The following PTPRT variants were observed in gnomAD, a reference collection of about 807,000 sequenced individuals.
PTPRT encodes the protein protein tyrosine phosphatase receptor type T.
A neutral mutation model predicts 176.8 loss-of-function variants in PTPRT; 56 were observed. The ratio of observed to expected loss-of-function variants is 0.32; its 90% CI spans 0.26 to 0.40. The LOEUF is 0.40. Among genes scored for constraint, PTPRT ranks in the 10% least tolerant of loss-of-function variants. The pLI, the probability that PTPRT is intolerant of heterozygous loss-of-function variation, is 1.00. For missense variants in PTPRT, 1,540 were observed against 1,908.2 expected (o/e 0.81, Z 3.60); for synonymous variants, 783 against 739.0 (o/e 1.06, Z -0.96).
chr20:42,295,685 T>G (rs949948077), intron 12 of PTPRT, among the ~76,000 whole-genome samples: 2 of 151,996 alleles, frequency 1.3e-5, no homozygotes, highest in Admixed American at 1.3e-4. Context: ...AAGAGTAGTA[T>G]TAGGTCATTT....
intron 30 of PTPRT, 43 bp downstream of exon 30, chr20:42,081,839 T>A: frequency 6.2e-7 from 1 of 1,606,686 alleles, no homozygotes; most frequent in Non-Finnish European, 8.5e-7. Flanking sequence ...TCAAGGGAAC[T>A]AGTCAGCCCT....
At chr20:42,825,526 A>G (rs1052403920) in intron 2 of PTPRT, among the ~76,000 whole-genome samples, 1 of 152,024 alleles carries the variant, frequency 6.6e-6, no homozygotes, top group African/African-American at 2.4e-5. Context: ...ATATATATAC[A>G]TTTAGCAAAC....
At chr20:43,021,318 T>C (rs1053935631) in intron 1 of PTPRT, among the ~76,000 whole-genome samples, 3 of 152,138 alleles carry the variant, frequency 2.0e-5, no homozygotes, top group African/African-American at 4.8e-5. Context: ...CTCAATTTGT[T>C]GAGGAACTGC....
At chr20:42,440,120 C>T (rs551586948) in intron 9 of PTPRT, among the ~76,000 whole-genome samples, 46 of 152,152 alleles carry the variant, frequency 3.0e-4, no homozygotes, top group South Asian at 1.2e-3. Context: ...TTGGCCAGGA[C>T]GGTCTCAATC....
At chr20:42,957,238 G>C (rs1001664539) in intron 1 of PTPRT, among the ~76,000 whole-genome samples, 1 of 152,138 alleles carries the variant, frequency 6.6e-6, no homozygotes, top group African/African-American at 2.4e-5. Flanking sequence ...GCCAAAGGTC[G>C]AGTGGCAGTA....
chr20:43,093,860 G>A (rs1179851312), intron 1 of PTPRT, among the ~76,000 whole-genome samples: 1 of 152,010 alleles, frequency 6.6e-6, no homozygotes, highest in Non-Finnish European at 1.5e-5. Flanking sequence ...CTGGGCCCCT[G>A]TGCTGACCAT....
At chr20:42,453,549 T>C (rs989166649) in intron 8 of PTPRT, among the ~76,000 whole-genome samples, 1 of 152,088 alleles carries the variant, frequency 6.6e-6, no homozygotes, top group Non-Finnish European at 1.5e-5. Flanking sequence ...ATTACTATAC[T>C]ATTGAAGCAC....
At chr20:42,944,233 G>A (rs1268400706) in intron 1 of PTPRT, among the ~76,000 whole-genome samples, 1 of 152,038 alleles carries the variant, frequency 6.6e-6, no homozygotes, top group Non-Finnish European at 1.5e-5. Flanking sequence ...TAGAGCCGGG[G>A]GGCGGAAAGT....
intron 17 of PTPRT, among the ~76,000 whole-genome samples, chr20:42,148,688 C>T (rs567976799): frequency 5.8e-4 from 88 of 152,282 alleles, no homozygotes; most frequent in African/African-American, 1.9e-3. Flanking sequence ...GACAATTGCA[C>T]GGAAGACCAA....
At chr20:42,779,956 C>T (rs892025130) in intron 4 of PTPRT, among the ~76,000 whole-genome samples, 2 of 151,942 alleles carry the variant, frequency 1.3e-5, no homozygotes, top group Non-Finnish European at 2.9e-5. Flanking sequence ...TTTAGACTCC[C>T]TTAATAATGG....
chr20:42,245,551 C>T (rs1363356450), intron 14 of PTPRT, among the ~76,000 whole-genome samples: 2 of 152,154 alleles, frequency 1.3e-5, no homozygotes, highest in Non-Finnish European at 2.9e-5. Flanking sequence ...TCTCTCTTTT[C>T]CCTCCTCTAT....
intron 1 of PTPRT, among the ~76,000 whole-genome samples, chr20:43,061,662 TACA>T (rs1472852242): frequency 1.5e-4 from 23 of 152,238 alleles, no homozygotes; most frequent in Non-Finnish European, 1.2e-4. Flanking sequence ...CTGTTCTAGA[TACA>T]ACATGTTTTC....
chr20:42,187,548 T>A (rs1409773734), intron 16 of PTPRT, among the ~76,000 whole-genome samples: 4 of 152,240 alleles, frequency 2.6e-5, no homozygotes, highest in African/African-American at 9.6e-5. Flanking sequence ...AGCTTTTCAA[T>A]CTTTGTGATA....
chr20:42,944,125 C>A (rs1180264639), intron 1 of PTPRT, among the ~76,000 whole-genome samples: 2 of 152,184 alleles, frequency 1.3e-5, no homozygotes, highest in East Asian at 1.9e-4. Flanking sequence ...TCCAGTAACA[C>A]CTTCCACATT....
chr20:42,344,454 G>C (rs540264019), intron 11 of PTPRT, among the ~76,000 whole-genome samples: 107 of 152,322 alleles, frequency 7.0e-4, no homozygotes, highest in Admixed American at 1.4e-3. Flanking sequence ...TCTTAGGTCT[G>C]AGTGAGGAGC....
At chr20:42,579,740 C>CT (rs1430108258) in intron 7 of PTPRT, among the ~76,000 whole-genome samples, 2 of 152,142 alleles carry the variant, frequency 1.3e-5, no homozygotes, top group Non-Finnish European at 2.9e-5. Flanking sequence ...CGTTTGCCCA[C>CT]TTGTTGATGG....
At chr20:42,759,595 A>G (rs1367040471) in intron 5 of PTPRT, among the ~76,000 whole-genome samples, 1 of 152,248 alleles carries the variant, frequency 6.6e-6, no homozygotes, top group Non-Finnish European at 1.5e-5. Context: ...AAATGCCACA[A>G]AGAAGCATAG....
At chr20:42,843,448 A>G (rs1427721208) in intron 2 of PTPRT, among the ~76,000 whole-genome samples, 1 of 152,216 alleles carries the variant, frequency 6.6e-6, no homozygotes, top group Non-Finnish European at 1.5e-5. Context: ...CCAAGCAATG[A>G]CTTCTTTTGG....
At position 43,041,779 on chromosome 20, in the gene PTPRT, G is replaced by A. The variant is rs1453423168; in HGVS notation, c.88+147867C>T. On this transcript the variant is annotated intron_variant, in intron 1 of 30. Transcript: ENST00000373187. ...CCCACTAGCTTTTTTTGTAAATAAA[G>A]TTTTATTGGAACATAGCTAAGCTTA... Among the ~76,000 whole-genome samples, 4 of 152,212 alleles carry A rather than the reference G, an allele frequency of 2.6e-5. No individual in the cohort carries two copies. The East Asian group carries it at 5.8e-4, about 22-fold the overall frequency.
Sources: gnomAD v4.1 joint callset for allele counts (sites outside exome capture counted in the v4.1 genomes callset) on GRCh38, gnomAD v4.1.1 for gene constraint, MANE v1.5 for transcripts, NCBI Gene and HGNC (gene_info 2026-07-23, HGNC 2026-07-21) for gene names.